RAI14: variants seen among roughly 807,000 people sequenced by gnomAD.
RAI14 encodes retinoic acid induced 14, also known as ankycorbin.
RAI14 carries 45 observed loss-of-function variants against 115.4 expected under a neutral mutation model. The ratio of observed to expected loss-of-function variants is 0.39; its 90% CI spans 0.31 to 0.50. The LOEUF is 0.50. RAI14 is among the 20% of genes least tolerant of loss of function. RAI14 has a pLI of 0.85. For missense variants in RAI14, 939 were observed against 1,131.2 expected (o/e 0.83, Z 2.44); for synonymous variants, 371 against 415.4 (o/e 0.89, Z 1.30).
intron 2 of RAI14, among the ~76,000 whole-genome samples, chr5:34,713,899 G>A (rs1399584050): frequency 3.3e-5 from 5 of 152,040 alleles, no homozygotes; most frequent in Non-Finnish European, 5.9e-5. Flanking sequence ...TCTGCCTCCC[G>A]GTTTCAAACG....
chr5:34,707,133 G>T (rs188936946), intron 2 of RAI14, among the ~76,000 whole-genome samples: 1 of 152,338 alleles, frequency 6.6e-6, no homozygotes, highest in Admixed American at 6.5e-5. Context: ...TGTGACTCCT[G>T]CAAGTCAGTT....
chr5:34,748,816 A>AG (rs1168738721), intron 2 of RAI14, among the ~76,000 whole-genome samples: 1 of 118,970 alleles, frequency 8.4e-6, no homozygotes, highest in Non-Finnish European at 1.7e-5. Flanking sequence ...AAAAATAAAA[A>AG]TTAAAAAAAA....
chr5:34,803,865 T>TA (rs1016305671), intron 5 of RAI14, 89 bp downstream of exon 5: 2 of 1,156,156 alleles, frequency 1.7e-6, no homozygotes, highest in African/African-American at 3.1e-5. Flanking sequence ...ACACCCTCCA[T>TA]ACACACTCCT....
intron 1 of RAI14, among the ~76,000 whole-genome samples, chr5:34,664,460 A>G (rs1451646666): frequency 1.3e-5 from 2 of 151,338 alleles, no homozygotes; most frequent in East Asian, 3.9e-4. Flanking sequence ...TTTAGTGAAC[A>G]CCAAAGCTTA....
chr5:34,781,340 A>C (rs924319771), intron 3 of RAI14, among the ~76,000 whole-genome samples: 5 of 152,188 alleles, frequency 3.3e-5, no homozygotes, highest in Non-Finnish European at 7.3e-5. Context: ...CCTTGTGCAC[A>C]TGTACCCTAG....
intron 2 of RAI14, among the ~76,000 whole-genome samples, chr5:34,710,504 G>A (rs1741265209): frequency 6.6e-6 from 1 of 152,172 alleles, no homozygotes; most frequent in African/African-American, 2.4e-5. Context: ...CTCAAGGCTG[G>A]ATTGGACTGA....
intron 16 of RAI14, among the ~76,000 whole-genome samples, chr5:34,829,076 A>G (rs1210854983): frequency 6.6e-6 from 1 of 152,154 alleles, no homozygotes; most frequent in Non-Finnish European, 1.5e-5. Flanking sequence ...TGCAGTATTT[A>G]CATTTAATGT....
chr5:34,822,777 G>T (rs1389388564), intron 14 of RAI14, among the ~76,000 whole-genome samples, 179 bp from the exon 15 acceptor site: 1 of 139,360 alleles, frequency 7.2e-6, no homozygotes. Flanking sequence ...TCCGCCTCCC[G>T]GGTTCACGCC....
chr5:34,740,553 G>T (rs530541753), intron 2 of RAI14, among the ~76,000 whole-genome samples: 40 of 152,262 alleles, frequency 2.6e-4, no homozygotes, highest in African/African-American at 9.6e-4. Flanking sequence ...CCTTGGTTTG[G>T]CTCCTCTGTT....
intron 1 of RAI14, among the ~76,000 whole-genome samples, chr5:34,663,428 A>T (rs1394383977): frequency 6.6e-6 from 1 of 152,148 alleles, no homozygotes; most frequent in African/African-American, 2.4e-5. Context: ...AGGTGGGAGG[A>T]TCACCTCAAC....
At position 34,738,500 on chromosome 5, in the gene RAI14, G is replaced by A. The variant is rs554873573; in HGVS notation, c.37-18968G>A. ...TGCTGGGCACCTTGGCACTGGCTGCGCACACCTGTACTCTTGGCCTCCCTT... is the reference window on the plus strand; with the variant it reads ...TGCTGGGCACCTTGGCACTGGCTGCACACACCTGTACTCTTGGCCTCCCTT... On this transcript the variant is annotated intron_variant, in intron 2 of 17. Transcript: ENST00000265109. 5.3e-4 allele frequency among the ~76,000 whole-genome samples: 80 copies of A among 152,266 alleles called. 1 individual carries two copies. Among genetic ancestry groups the A allele is most frequent in the South Asian group, 2.1e-4 (1 of 4,826 alleles).
At chr5:34,822,872 A>G in intron 14 of RAI14, 84 bp from the exon 15 acceptor site, 4 of 1,200,248 alleles carry the variant, frequency 3.3e-6, no homozygotes, top group Non-Finnish European at 4.7e-6. Flanking sequence ...TTTTTTTAGT[A>G]GAGACGGGGT....
intron 12 of RAI14, among the ~76,000 whole-genome samples, chr5:34,817,961 TA>T (rs1204515832): frequency 6.6e-6 from 1 of 152,218 alleles, no homozygotes; most frequent in African/African-American, 2.4e-5. Flanking sequence ...TGCAGTTTAT[TA>T]TACGTTATAT....
At chr5:34,814,944 T>A (rs1356969424) in intron 12 of RAI14, among the ~76,000 whole-genome samples, 3 of 148,684 alleles carry the variant, frequency 2.0e-5, no homozygotes, top group East Asian at 3.9e-4. Context: ...TTTCTTCATT[T>A]AAAAAAAAAA....
At chr5:34,798,276 T>G (rs994622463) in intron 4 of RAI14, among the ~76,000 whole-genome samples, 2 of 151,812 alleles carry the variant, frequency 1.3e-5, no homozygotes, top group Non-Finnish European at 1.5e-5. Flanking sequence ...TGACCTCAGG[T>G]GATCCACCCG....
intron 13 of RAI14, among the ~76,000 whole-genome samples, chr5:34,821,267 G>A (rs1756797102): frequency 6.6e-6 from 1 of 152,186 alleles, no homozygotes; most frequent in Non-Finnish European, 1.5e-5. Flanking sequence ...CTGGGAAGAA[G>A]AGAGAGGCAG....
intron 4 of RAI14, among the ~76,000 whole-genome samples, chr5:34,802,213 A>G (rs1754357615): frequency 6.6e-6 from 1 of 152,178 alleles, no homozygotes; most frequent in Non-Finnish European, 1.5e-5. Flanking sequence ...CCTGTACTGC[A>G]TAGGACAACC....
Position 34,827,281 on chromosome 5 carries a change from C to T in RAI14, c.2799+802C>T, listed in dbSNP as rs1188320353. 2.1e-5 allele frequency among the ~76,000 whole-genome samples: 3 copies of T among 142,186 alleles called. No individual in the cohort carries two copies. The highest frequency in any genetic ancestry group is 5.1e-5 in the African/African-American group (2 of 39,314). The allele number at this position is 142,186 out of a possible 152,430, so 93.3% of individuals were successfully genotyped here. Reference sequence around the variant, plus strand: ...ATCTAAAGCCCACCTAGATAATCCACGATAATCTCCCTCTCCATCTCAAAC... The same window carrying T: ...ATCTAAAGCCCACCTAGATAATCCATGATAATCTCCCTCTCCATCTCAAAC... On this transcript the variant is annotated intron_variant, in intron 16 of 17. Transcript: ENST00000265109. The surrounding 1 kb of genome is among the most constrained non-coding windows in gnomAD (Gnocchi z 4.2).
At chr5:34,702,629 C>A (rs1740216935) in intron 2 of RAI14, among the ~76,000 whole-genome samples, 1 of 152,228 alleles carries the variant, frequency 6.6e-6, no homozygotes, top group South Asian at 2.1e-4. Flanking sequence ...CTACTACAAA[C>A]CTGTGCTTTA....
Sources: gnomAD v4.1 joint callset for allele counts (sites outside exome capture counted in the v4.1 genomes callset) on GRCh38, gnomAD v4.1.1 for gene constraint, Gnocchi (gnomAD v3.1) non-coding constraint, MANE v1.5 for transcripts, NCBI Gene and HGNC (gene_info 2026-07-23, HGNC 2026-07-21) for gene names.